The following AGAP1 variants were observed in gnomAD, a reference collection of about 807,000 sequenced individuals.
The protein encoded by AGAP1 is arf-GAP with GTPase, ANK repeat and PH domain-containing protein 1.
Under a neutral mutation model 105.3 loss-of-function variants are expected in AGAP1, and 29 were observed. The ratio of observed to expected loss-of-function variants is 0.28; its 90% CI spans 0.21 to 0.38. The LOEUF (loss-of-function observed/expected upper bound fraction) is 0.38, where lower values mean the gene tolerates loss of function less well. AGAP1 is among the 10% of genes least tolerant of loss of function. AGAP1 has a pLI of 1.00. For missense variants in AGAP1, 998 were observed against 1,165.1 expected (o/e 0.86, Z 2.09); for synonymous variants, 509 against 485.9 (o/e 1.05, Z -0.63).
At chr2:235,590,068 AGG>A (rs1460408729) in intron 1 of AGAP1, among the ~76,000 whole-genome samples, 1 of 151,990 alleles carries the variant, frequency 6.6e-6, no homozygotes, top group Non-Finnish European at 1.5e-5. Flanking sequence ...TTTAGTAGAA[AGG>A]GGGTTTCACC....
Position 235,855,314 on chromosome 2 carries a change from T to C in AGAP1, c.1051-28031T>C, listed in dbSNP as rs2048640169. ...CTTTGATTTTCCAGGGAGTGAGTAGTGTGACAGGCATGTCAAAATTAATCA... is the reference window on the plus strand; with the variant it reads ...CTTTGATTTTCCAGGGAGTGAGTAGCGTGACAGGCATGTCAAAATTAATCA... On this transcript the variant is annotated intron_variant, in intron 9 of 17. Transcript: ENST00000304032. This position sits in a 1 kb window ranked among gnomAD's most constrained non-coding sequence, Gnocchi z 5.0. 6.6e-6 allele frequency among the ~76,000 whole-genome samples: 1 copy of C among 152,174 alleles called. No homozygotes were observed.
chr2:235,818,435 G>A (rs889255695), intron 9 of AGAP1, among the ~76,000 whole-genome samples: 7 of 151,838 alleles, frequency 4.6e-5, no homozygotes, highest in Non-Finnish European at 8.8e-5. Context: ...CACCATGACC[G>A]TCTTTTTTTT....
intron 1 of AGAP1, among the ~76,000 whole-genome samples, chr2:235,672,285 G>A (rs754843917): frequency 1.3e-5 from 2 of 152,190 alleles, no homozygotes; most frequent in African/African-American, 4.8e-5. Flanking sequence ...TTAAGGTAAA[G>A]TGAAGATAAA....
intron 1 of AGAP1, among the ~76,000 whole-genome samples, chr2:235,613,792 C>T (rs186471088): frequency 2.4e-4 from 37 of 152,292 alleles, no homozygotes; most frequent in East Asian, 2.1e-3. Context: ...GCCTAATTGG[C>T]GCGGGCCTCC....
intron 1 of AGAP1, 58 bp downstream of exon 1, chr2:235,494,907 G>C (rs922046661): frequency 9.4e-6 from 14 of 1,492,182 alleles, no homozygotes; most frequent in African/African-American, 2.9e-5. Flanking sequence ...GGCGCGGCGG[G>C]GGTGTGCGCT....
intron 10 of AGAP1, among the ~76,000 whole-genome samples, chr2:235,898,417 G>A (rs1387488165): frequency 1.3e-5 from 2 of 151,854 alleles, no homozygotes; most frequent in Non-Finnish European, 2.9e-5. Flanking sequence ...AAAAAAAGGT[G>A]GGGGAAGAGA....
chr2:235,563,875 G>A (rs1944251124), intron 1 of AGAP1, among the ~76,000 whole-genome samples: 1 of 152,100 alleles, frequency 6.6e-6, no homozygotes, highest in African/African-American at 2.4e-5. Context: ...TTTTACAAAT[G>A]GGGACATTGT....
chr2:235,937,422 G>T (rs1056000174), intron 12 of AGAP1, among the ~76,000 whole-genome samples: 4 of 152,192 alleles, frequency 2.6e-5, no homozygotes, highest in Non-Finnish European at 5.9e-5. Flanking sequence ...TGTCTCCTTA[G>T]TTCCTTCCTA....
At chr2:236,106,389 G>A (rs994626305) in intron 16 of AGAP1, among the ~76,000 whole-genome samples, 2 of 152,234 alleles carry the variant, frequency 1.3e-5, no homozygotes, top group African/African-American at 4.8e-5. Context: ...TGATGTGCAG[G>A]CACTGCGGCA....
chr2:236,065,205 G>A (rs1576212452), intron 16 of AGAP1, among the ~76,000 whole-genome samples: 1 of 152,148 alleles, frequency 6.6e-6, no homozygotes, highest in African/African-American at 2.4e-5. Context: ...TGTTCCTGAC[G>A]TTCCCACTTG....
At chr2:236,088,019 A>C (rs1328647073) in intron 16 of AGAP1, among the ~76,000 whole-genome samples, 1 of 152,162 alleles carries the variant, frequency 6.6e-6, no homozygotes, top group African/African-American at 2.4e-5. Flanking sequence ...GTTGATGGCT[A>C]TCTGGCAGGA....
At chr2:235,590,465 C>G (rs986162457) in intron 1 of AGAP1, among the ~76,000 whole-genome samples, 4 of 152,040 alleles carry the variant, frequency 2.6e-5, no homozygotes, top group African/African-American at 7.2e-5. Context: ...AGCTGTTGAT[C>G]AACAGGTGTG....
rs763822756 is a variant in AGAP1 at position 235,908,687 on chromosome 2, A to C, written c.1156-51A>C. On this transcript the variant is annotated intron_variant, in intron 10 of 17. Transcript: ENST00000304032. The surrounding 1 kb of genome is among the most constrained non-coding windows in gnomAD (Gnocchi z 4.4). The stretch of plus-strand genomic sequence containing the variant: ...TAGACCCTTTTGTTCTAGGTTGTAA[A>C]AGGTCTTTTTTTTTTTTTTATCTCT... 6 of 1,429,414 alleles carry C rather than the reference A, an allele frequency of 4.2e-6. No homozygotes were observed. In the South Asian group the frequency reaches 5.3e-5, roughly 13 times the overall value. The allele number at this position is 1,429,414 out of a possible 1,614,324, so 88.5% of individuals were successfully genotyped here. A position where few individuals can be genotyped will look rare whatever the true frequency, so the allele number is the denominator to read the frequency against.
chr2:235,803,427 G>C (rs1255077158), intron 8 of AGAP1, among the ~76,000 whole-genome samples: 1 of 152,154 alleles, frequency 6.6e-6, no homozygotes, highest in African/African-American at 2.4e-5. Context: ...GGTGATTATA[G>C]GCATAAACTG....
In AGAP1 at chr2:236,124,691, T is replaced by C. The variant is rs1055748566; in HGVS notation, c.*569T>C. The C allele has an allele frequency of 5.7e-5, 9 of 157,970 alleles. No homozygotes were observed. The highest frequency in any genetic ancestry group is 1.9e-4 in the African/African-American group (8 of 41,502). The allele number at this position is 157,970 out of a possible 1,614,324, so 9.8% of individuals were successfully genotyped here. Reference sequence around the variant, plus strand: ...GAGAATACTGGCTTCATTACACTTGTACAGCCGAGTTCTTCCCGCATTACT... The same window carrying C: ...GAGAATACTGGCTTCATTACACTTGCACAGCCGAGTTCTTCCCGCATTACT... On this transcript the variant is annotated 3_prime_UTR_variant, in exon 18 of 18. Coordinates refer to ENST00000304032, the MANE Select transcript of AGAP1 (RefSeq NM_001037131.3). The surrounding 1 kb of genome is among the most constrained non-coding windows in gnomAD (Gnocchi z 5.1).
At chr2:235,907,657 G>C (rs1385898442) in intron 10 of AGAP1, among the ~76,000 whole-genome samples, 2 of 151,984 alleles carry the variant, frequency 1.3e-5, no homozygotes, top group Admixed American at 6.6e-5. Context: ...TATTCATGGG[G>C]GATTGGCTCC....
chr2:235,628,593 T>C (rs1946718547), intron 1 of AGAP1, among the ~76,000 whole-genome samples: 1 of 151,784 alleles, frequency 6.6e-6, no homozygotes, highest in Admixed American at 6.6e-5. Context: ...CCTTGAATGC[T>C]CTGGAAAGAA....
intron 1 of AGAP1, among the ~76,000 whole-genome samples, chr2:235,627,831 A>AT (rs1559298973): frequency 6.6e-6 from 1 of 152,144 alleles, no homozygotes. Context: ...TTTGAATGTT[A>AT]TTTTTGAGTT....
rs192679906 is a variant in AGAP1 at position 235,519,831 on chromosome 2, C to T, written c.163+24982C>T. Reference sequence around the variant, plus strand: ...GAGTCTTGCTCTTGTGGCCCAGGCTCGAGTGCAATGGCATGATCTCAGTTC... The same window carrying T: ...GAGTCTTGCTCTTGTGGCCCAGGCTTGAGTGCAATGGCATGATCTCAGTTC... On this transcript the variant is annotated intron_variant, in intron 1 of 17. Transcript: ENST00000304032. 2.1e-3 allele frequency among the ~76,000 whole-genome samples: 315 copies of T among 152,114 alleles called. 2 individuals are homozygous for T. Among genetic ancestry groups the T allele is most frequent in the Non-Finnish European group, 1.2e-3 (84 of 68,004 alleles).
Sources: allele counts gnomAD v4.1 joint callset (sites outside exome capture counted in the v4.1 genomes callset), GRCh38; gene constraint gnomAD v4.1.1; non-coding constraint Gnocchi (gnomAD v3.1); transcripts MANE v1.5; gene names NCBI Gene and HGNC (gene_info 2026-07-23, HGNC 2026-07-21).